The following PSD3 variants were observed in gnomAD, a reference collection of about 807,000 sequenced individuals.
The protein encoded by PSD3 is pleckstrin and Sec7 domain containing 3, also known as PH and SEC7 domain-containing protein 3.
PSD3 carries 49 observed loss-of-function variants against 105.5 expected under a neutral mutation model. The observed-to-expected ratio is 0.46, with a 90% CI of 0.37 to 0.59. The LOEUF (loss-of-function observed/expected upper bound fraction) is 0.59, where lower values mean the gene tolerates loss of function less well. Among genes scored for constraint, PSD3 ranks in the 20% least tolerant of loss-of-function variants. The pLI is 0.00. For synonymous variants in PSD3, 557 were observed against 457.8 expected (o/e 1.22, Z -2.77); for missense variants, 1,561 against 1,263.8 (o/e 1.24, Z -3.57).
At chr8:18,599,550 G>A (rs1225058685) in intron 12 of PSD3, among the ~76,000 whole-genome samples, 1 of 152,126 alleles carries the variant, frequency 6.6e-6, no homozygotes, top group African/African-American at 2.4e-5. Context: ...CTATCCATGT[G>A]GGATGTATTC....
intron 1 of PSD3, among the ~76,000 whole-genome samples, chr8:19,030,540 A>C (rs1586647176): frequency 1.3e-5 from 2 of 152,126 alleles, no homozygotes; most frequent in Non-Finnish European, 2.9e-5. Context: ...TCTGCCGACC[A>C]CACTTTCTCT....
chr8:18,723,530 G>T (rs1803141800), intron 9 of PSD3, among the ~76,000 whole-genome samples: 1 of 152,134 alleles, frequency 6.6e-6, no homozygotes, highest in South Asian at 2.1e-4. Context: ...GCGACATCCT[G>T]AAAGAAATAC....
intron 2 of PSD3, among the ~76,000 whole-genome samples, chr8:18,875,944 C>G (rs1817709515): frequency 6.6e-6 from 1 of 152,186 alleles, no homozygotes; most frequent in Admixed American, 6.5e-5. Flanking sequence ...TACTTTCTAT[C>G]TCTATGAAAT....
chr8:18,971,129 A>G (rs543559138), intron 1 of PSD3, among the ~76,000 whole-genome samples: 6 of 152,330 alleles, frequency 3.9e-5, no homozygotes, highest in African/African-American at 1.4e-4. Flanking sequence ...CACAAGTTTA[A>G]AACAGTCAAA....
chr8:18,895,026 T>C (rs1819049953), intron 2 of PSD3, among the ~76,000 whole-genome samples: 1 of 152,174 alleles, frequency 6.6e-6, no homozygotes, highest in Admixed American at 6.5e-5. Flanking sequence ...ATCTACATTA[T>C]CTCAGAAGGC....
chr8:18,950,071 C>T (rs1823142772), intron 1 of PSD3, among the ~76,000 whole-genome samples: 1 of 152,052 alleles, frequency 6.6e-6, no homozygotes, highest in Non-Finnish European at 1.5e-5. Context: ...TCAATAGGTG[C>T]CCAATAGCAC....
At chr8:18,945,406 A>G (rs535783571) in intron 1 of PSD3, among the ~76,000 whole-genome samples, 1 of 152,194 alleles carries the variant, frequency 6.6e-6, no homozygotes, top group Non-Finnish European at 1.5e-5. Context: ...AGATGGAGGA[A>G]GGGGCTGTGA....
At chr8:19,058,680 A>G (rs951537534) in intron 1 of PSD3, among the ~76,000 whole-genome samples, 5 of 152,062 alleles carry the variant, frequency 3.3e-5, no homozygotes, top group African/African-American at 1.2e-4. Flanking sequence ...GATTAAGCAC[A>G]TTGTACAAAA....
chr8:18,779,629 T>A (rs912459167), intron 8 of PSD3, among the ~76,000 whole-genome samples: 1 of 152,206 alleles, frequency 6.6e-6, no homozygotes, highest in Non-Finnish European at 1.5e-5. Context: ...CATATTTTGA[T>A]ATGTTGTGTT....
chr8:18,882,850 C>G (rs1345394931), intron 2 of PSD3, among the ~76,000 whole-genome samples: 1 of 151,640 alleles, frequency 6.6e-6, no homozygotes, highest in Admixed American at 6.6e-5. Context: ...TATATATACA[C>G]ACACACACAC....
At chr8:19,074,484 G>A (rs1351464395) in intron 1 of PSD3, among the ~76,000 whole-genome samples, 3 of 150,518 alleles carry the variant, frequency 2.0e-5, no homozygotes, top group African/African-American at 4.9e-5. Context: ...GCTGAAATAT[G>A]TACTTCATTT....
intron 1 of PSD3, among the ~76,000 whole-genome samples, chr8:19,053,725 A>T (rs973774326): frequency 2.6e-5 from 4 of 152,142 alleles, no homozygotes; most frequent in African/African-American, 9.7e-5. Context: ...ACTTCGTCTC[A>T]AGAAAAAAAA....
At chr8:18,906,571 A>C (rs1390575479) in intron 2 of PSD3, among the ~76,000 whole-genome samples, 2 of 152,224 alleles carry the variant, frequency 1.3e-5, no homozygotes, top group Admixed American at 1.3e-4. Context: ...GGGCACAAAC[A>C]CAGGTTTTGT....
chr8:19,039,221 C>T (rs1828044046), intron 1 of PSD3, among the ~76,000 whole-genome samples: 1 of 152,126 alleles, frequency 6.6e-6, no homozygotes, highest in Non-Finnish European at 1.5e-5. Context: ...CATTCTTTTC[C>T]CTACTCTTCT....
At chr8:19,045,250 A>T (rs1335213573) in intron 1 of PSD3, among the ~76,000 whole-genome samples, 2 of 152,180 alleles carry the variant, frequency 1.3e-5, no homozygotes, top group Non-Finnish European at 2.9e-5. Context: ...TAATATCCGA[A>T]TTGTGAAAGC....
At chr8:18,538,729 T>C (rs1451007601) in intron 15 of PSD3, among the ~76,000 whole-genome samples, 1 of 152,214 alleles carries the variant, frequency 6.6e-6, no homozygotes, top group Non-Finnish European at 1.5e-5. Flanking sequence ...GTGATACTAC[T>C]AGGAAAATCC....
chr8:18,776,402 G>C (rs1054282234), intron 8 of PSD3, among the ~76,000 whole-genome samples: 11 of 133,266 alleles, frequency 8.3e-5, no homozygotes, highest in Admixed American at 1.5e-4. Context: ...TTTTGTTTTT[G>C]AGACGGAGTC....
chr8:19,024,188 A>G (rs1827461503), intron 1 of PSD3, among the ~76,000 whole-genome samples: 1 of 152,222 alleles, frequency 6.6e-6, no homozygotes. Flanking sequence ...TCAAAGGGGG[A>G]TTCCATAGAA....
rs73582694 is a variant in PSD3 at position 18,928,854 on chromosome 8, T to C, written c.130+7180A>G. 4.7e-3 allele frequency among the ~76,000 whole-genome samples: 710 copies of C among 151,924 alleles called. 5 individuals carry two copies. Among genetic ancestry groups the C allele is most frequent in the African/African-American group, 0.016 (664 of 41,404 alleles). On this transcript the variant is annotated intron_variant, in intron 2 of 15. Coordinates refer to ENST00000327040, the MANE Select transcript of PSD3 (RefSeq NM_015310.4). ...TTTTATCCTTTCCTCTCCTTTCCTC[T>C]TCCTCTTGCTCAAGACAAGGTCTCA...
Sources: gnomAD v4.1 joint callset for allele counts (sites outside exome capture counted in the v4.1 genomes callset) on GRCh38, gnomAD v4.1.1 for gene constraint, MANE v1.5 for transcripts, NCBI Gene and HGNC (gene_info 2026-07-23, HGNC 2026-07-21) for gene names.